Variants in CAMTA1 observed in about 807,000 individuals in gnomAD.
CAMTA1 encodes calmodulin binding transcription activator 1, also known as calmodulin-binding transcription activator 1.
In CAMTA1, 27 loss-of-function variants were observed where a neutral mutation model predicts 170.9. That is an observed-to-expected ratio of 0.16 (90% confidence interval 0.12 to 0.22). The LOEUF (loss-of-function observed/expected upper bound fraction) is 0.22. Among genes scored for constraint, CAMTA1 ranks in the 10% least tolerant of loss-of-function variants. CAMTA1 has a pLI of 1.00. For synonymous variants in CAMTA1, 833 were observed against 891.5 expected (o/e 0.93, Z 1.17); for missense variants, 1,619 against 2,217.2 (o/e 0.73, Z 5.42).
At chr1:7,601,564 C>T (rs1388469877) in intron 6 of CAMTA1, among the ~76,000 whole-genome samples, 15 of 152,334 alleles carry the variant, frequency 9.8e-5, no homozygotes, top group Admixed American at 2.6e-4. Context: ...GCTGCAATCT[C>T]GGCACTTTGG....
At position 6,970,364 on chromosome 1, in the gene CAMTA1, C is replaced by T. The variant is rs1427781670; in HGVS notation, c.235-120940C>T. 6.6e-6 allele frequency among the ~76,000 whole-genome samples: 1 copy of T among 152,130 alleles called. No individual in the cohort carries two copies. Among genetic ancestry groups the T allele is most frequent in the Admixed American group, 6.5e-5 (1 of 15,280 alleles). Reference sequence around the variant, plus strand: ...TAAGCATCCTCCATATGTATTGGAGCCGTGGAGTGCTCACAGACAGCATTC... The same window carrying T: ...TAAGCATCCTCCATATGTATTGGAGTCGTGGAGTGCTCACAGACAGCATTC... On this transcript the variant is annotated intron_variant, in intron 3 of 22. Transcript: ENST00000303635. The surrounding 1 kb of genome is among the most constrained non-coding windows in gnomAD (Gnocchi z 4.4).
At chr1:6,898,020 C>G (rs1676036453) in intron 3 of CAMTA1, among the ~76,000 whole-genome samples, 2 of 152,192 alleles carry the variant, frequency 1.3e-5, no homozygotes, top group South Asian at 4.1e-4. Context: ...CTGAAAAACC[C>G]TACGAATCCA....
intron 6 of CAMTA1, among the ~76,000 whole-genome samples, chr1:7,517,194 G>C (rs773761021): frequency 6.6e-6 from 1 of 152,138 alleles, no homozygotes; most frequent in African/African-American, 2.4e-5. Flanking sequence ...TAGCCAGTCC[G>C]TGAGCGTGGG....
chr1:7,297,910 G>A (rs1031015502), intron 5 of CAMTA1, among the ~76,000 whole-genome samples: 2 of 152,160 alleles, frequency 1.3e-5, no homozygotes, highest in African/African-American at 4.8e-5. Context: ...TCCAATCCTA[G>A]TCACTTCATT....
At chr1:7,074,358 T>C (rs1170532807) in intron 3 of CAMTA1, among the ~76,000 whole-genome samples, 1 of 152,190 alleles carries the variant, frequency 6.6e-6, no homozygotes, top group Non-Finnish European at 1.5e-5. Context: ...TGAGTTACTG[T>C]CTTTGAAGTA....
At chr1:6,977,484 G>A (rs548036635) in intron 3 of CAMTA1, among the ~76,000 whole-genome samples, 23 of 152,190 alleles carry the variant, frequency 1.5e-4, no homozygotes, top group African/African-American at 4.8e-4. Context: ...GGGACTACAC[G>A]TGCGTGCCAC....
chr1:6,887,717 G>A lies in CAMTA1; in HGVS notation c.234+62507G>A. The A allele has an allele frequency of 6.5e-7, 1 of 1,535,326 alleles. No homozygotes were observed. The highest frequency in any genetic ancestry group is 8.7e-7 in the Non-Finnish European group (1 of 1,146,650). On this transcript the variant is annotated intron_variant, in intron 3 of 22. Coordinates refer to ENST00000303635, the MANE Select transcript of CAMTA1 (RefSeq NM_015215.4). This position sits in a 1 kb window ranked among gnomAD's most constrained non-coding sequence, Gnocchi z 4.1. ...GAGGGATCCACAGAGCTGGAGCCAT[G>A]AGGGCTGACACATTGGAATGAAAGC... is the stretch of plus-strand genomic sequence containing the variant.
At chr1:7,761,188 T>G (rs2096972825) in intron 22 of CAMTA1, among the ~76,000 whole-genome samples, 1 of 152,226 alleles carries the variant, frequency 6.6e-6, no homozygotes, top group African/African-American at 2.4e-5. Flanking sequence ...TCTTTAATGT[T>G]AATAGCTGAA....
intron 3 of CAMTA1, among the ~76,000 whole-genome samples, chr1:7,090,354 C>T (rs1170372183): frequency 6.6e-6 from 1 of 152,200 alleles, no homozygotes; most frequent in African/African-American, 2.4e-5. Flanking sequence ...TCTAGGAACC[C>T]CGGCTGCAGA....
At chr1:7,303,250 A>G (rs10489142) in intron 5 of CAMTA1, among the ~76,000 whole-genome samples, 32,069 of 152,206 alleles carry the variant, frequency 0.21, 4,103 homozygotes, top group Admixed American at 0.29. Flanking sequence ...CTTAAAGAGC[A>G]TGGCTTCAGC....
chr1:7,170,595 G>A (rs898009775), intron 4 of CAMTA1, among the ~76,000 whole-genome samples: 1 of 152,102 alleles, frequency 6.6e-6, no homozygotes, highest in Admixed American at 6.6e-5. Context: ...TTAATTTGCT[G>A]AGAATGATGG....
At chr1:7,061,944 G>T (rs144867713) in intron 3 of CAMTA1, among the ~76,000 whole-genome samples, 1 of 152,182 alleles carries the variant, frequency 6.6e-6, no homozygotes, top group East Asian at 1.9e-4. Flanking sequence ...TTGAGACCGA[G>T]TTTTGTTCTT....
intron 3 of CAMTA1, among the ~76,000 whole-genome samples, chr1:7,006,675 C>T (rs1699045201): frequency 6.6e-6 from 1 of 152,212 alleles, no homozygotes. Flanking sequence ...CACCTATTAG[C>T]TGTGAGCTCC....
At position 7,379,067 on chromosome 1, in the gene CAMTA1, G is replaced by T. The variant is rs60189130; in HGVS notation, c.439-88763G>T. Among the ~76,000 whole-genome samples, 636 of 152,332 alleles carry T rather than the reference G, an allele frequency of 4.2e-3. 5 individuals are homozygous for T. The highest frequency in any genetic ancestry group is 0.015 in the African/African-American group (611 of 41,560). On this transcript the variant is annotated intron_variant, in intron 5 of 22. Coordinates refer to ENST00000303635, the MANE Select transcript of CAMTA1 (RefSeq NM_015215.4). ...TTTCTTGAGCACCTGATGGTGAAAT[G>T]CCACCATGCATGACAGAGTCTATAA...
In CAMTA1 at chr1:6,789,387, C is replaced by T. The variant is rs569008499; in HGVS notation, c.45+3812C>T. On this transcript the variant is annotated intron_variant, in intron 1 of 22. Transcript: ENST00000303635. ...TGGATGTCCGCCCATGTGTCCTGCT[C>T]GGTTTTTAATTCTTTGTGACTGATT... is the stretch of plus-strand genomic sequence containing the variant. 5.9e-5 allele frequency among the ~76,000 whole-genome samples: 9 copies of T among 152,226 alleles called. 1 individual carries two copies. Among genetic ancestry groups the T allele is most frequent in the African/African-American group, 1.9e-4 (8 of 41,528 alleles).
At chr1:7,643,928 C>G (rs926300726) in intron 7 of CAMTA1, among the ~76,000 whole-genome samples, 2 of 152,208 alleles carry the variant, frequency 1.3e-5, no homozygotes. Flanking sequence ...GTGCTGAGAG[C>G]CAAGAAGACC....
intron 8 of CAMTA1, among the ~76,000 whole-genome samples, chr1:7,662,270 G>T (rs777060492): frequency 6.6e-6 from 1 of 152,222 alleles, no homozygotes; most frequent in Non-Finnish European, 1.5e-5. Context: ...CCACGCAGGC[G>T]CAACCTCTTT....
At chr1:6,932,933 G>C (rs1355288874) in intron 3 of CAMTA1, among the ~76,000 whole-genome samples, 1 of 152,034 alleles carries the variant, frequency 6.6e-6, no homozygotes, top group Non-Finnish European at 1.5e-5. Context: ...CTTCCAGTCT[G>C]TGATTTGTCT....
In CAMTA1 at chr1:7,680,816, G is replaced by GT. The variant is rs953405517; in HGVS notation, c.2914+3083_2914+3084insT. Among the ~76,000 whole-genome samples the GT allele has an allele frequency of 6.7e-6, 1 of 149,512 alleles. No individual in the cohort carries two copies. The highest frequency in any genetic ancestry group is 2.4e-5 in the African/African-American group (1 of 40,856). On this transcript the variant is annotated intron_variant, in intron 11 of 22. Transcript: ENST00000303635. This position sits in a 1 kb window ranked among gnomAD's most constrained non-coding sequence, Gnocchi z 4.4. ...GTTTGCTTGGCTAAAGGCCGGGGGG[G>GT]GGCGTGGGTCCGGGGCGCAGAGAAC...
Sources: allele counts gnomAD v4.1 joint callset (sites outside exome capture counted in the v4.1 genomes callset), GRCh38; gene constraint gnomAD v4.1.1; non-coding constraint Gnocchi (gnomAD v3.1); transcripts MANE v1.5; gene names NCBI Gene and HGNC (gene_info 2026-07-23, HGNC 2026-07-21).